Variants in GPHN observed in about 807,000 individuals in gnomAD.
GPHN encodes the protein gephyrin.
Under a neutral mutation model 95.5 loss-of-function variants are expected in GPHN, and 17 were observed. The ratio of observed to expected loss-of-function variants is 0.18; its 90% confidence interval spans 0.12 to 0.27. The LOEUF (loss-of-function observed/expected upper bound fraction) is 0.27, where lower values mean the gene tolerates loss of function less well. Among genes scored for constraint, GPHN ranks in the 10% least tolerant of loss-of-function variants. The pLI, the probability that GPHN is intolerant of heterozygous loss-of-function variation, is 1.00. For missense variants in GPHN, 660 were observed against 978.1 expected, an observed-to-expected ratio of 0.67 and a Z score of 4.34; for synonymous variants, 320 against 322.5, an observed-to-expected ratio of 0.99 and a Z score of 0.08.
chr14:66,580,558 G>A (rs949917200), intron 1 of GPHN, among the ~76,000 whole-genome samples: 1 of 151,692 alleles, frequency 6.6e-6, no homozygotes, highest in Non-Finnish European at 1.5e-5. Context: ...ACAACTATGA[G>A]CAATCATATG....
intron 4 of GPHN, among the ~76,000 whole-genome samples, chr14:66,835,931 G>T (rs1453533895): frequency 2.7e-4 from 39 of 146,412 alleles, no homozygotes; most frequent in Admixed American, 1.9e-3. Context: ...CACTGCTCAA[G>T]GAAATAAAAG....
the GPHN span, chr14:67,650,751 C>T: frequency 3.7e-6 from 6 of 1,614,084 alleles, no homozygotes; most frequent in Non-Finnish European, 4.2e-6. Context: ...GAAGTCAATC[C>T]TCAGTTGGCC....
At chr14:66,887,099 C>G (rs1167972073) in intron 5 of GPHN, among the ~76,000 whole-genome samples, 1 of 152,130 alleles carries the variant, frequency 6.6e-6, no homozygotes, top group Admixed American at 6.5e-5. Flanking sequence ...CACCAGGGTA[C>G]TCTGTTCTTC....
intron 1 of GPHN, among the ~76,000 whole-genome samples, chr14:66,640,362 C>T (rs1337500901): frequency 1.3e-5 from 2 of 152,092 alleles, no homozygotes; most frequent in Non-Finnish European, 2.9e-5. Context: ...GCAAAGGTTG[C>T]AGTGAGCCAA....
intron 9 of GPHN, among the ~76,000 whole-genome samples, chr14:66,981,909 G>A (rs1362474472): frequency 6.6e-6 from 1 of 152,074 alleles, no homozygotes; most frequent in Non-Finnish European, 1.5e-5. Flanking sequence ...GAAAGCCACT[G>A]AACTTCTCCA....
chr14:66,952,453 G>A (rs547438754), intron 8 of GPHN, among the ~76,000 whole-genome samples: 1 of 152,280 alleles, frequency 6.6e-6, no homozygotes, highest in South Asian at 2.1e-4. Context: ...TTTGGGTTGT[G>A]TGTACTTTTT....
the GPHN span, chr14:67,387,593 G>C: frequency 1.1e-5 from 10 of 916,634 alleles, no homozygotes; most frequent in Middle Eastern, 2.5e-4. Flanking sequence ...TTTACAGTTA[G>C]AGAATCCTAT....
At chr14:66,599,843 A>G (rs1236860442) in intron 1 of GPHN, among the ~76,000 whole-genome samples, 1 of 151,986 alleles carries the variant, frequency 6.6e-6, no homozygotes, top group African/African-American at 2.4e-5. Context: ...ATATATCTGT[A>G]TATCTATATC....
At chr14:66,758,508 T>C (rs1414655487) in intron 2 of GPHN, among the ~76,000 whole-genome samples, 1 of 152,106 alleles carries the variant, frequency 6.6e-6, no homozygotes, top group East Asian at 1.9e-4. Context: ...AAGCTACAGT[T>C]GCGTGACCAT....
rs765267813 is a variant in GPHN, at chr14:66,599,392, A to ATTT, written c.65-81701_65-81699dup. The stretch of plus-strand genomic sequence containing the variant: ...TCTCTGATTTTACATTTTTTTTTGC[A>ATTT]TTTTTTTTTTTTTTTTGCTAGATGC... On this transcript the variant is annotated intron_variant, in intron 1 of 22. Coordinates refer to ENST00000478722, the MANE Select transcript of GPHN (RefSeq NM_020806.5). Among the ~76,000 whole-genome samples, 34 of 76,508 alleles carry ATTT rather than the reference A, an allele frequency of 4.4e-4. 1 individual carries two copies. The highest frequency in any genetic ancestry group is 1.4e-3 in the African/African-American group (20 of 13,932). The allele number at this position is 76,508 out of a possible 152,430, so 50.2% of individuals were successfully genotyped here. A position where few individuals can be genotyped will look rare whatever the true frequency, so the allele number is the denominator to read the frequency against.
chr14:66,554,985 T>G (rs1041781945), intron 1 of GPHN, among the ~76,000 whole-genome samples: 1 of 152,170 alleles, frequency 6.6e-6, no homozygotes, highest in African/African-American at 2.4e-5. Flanking sequence ...ACAGTTGCCA[T>G]GAAGGAACCT....
At chr14:67,514,716 C>T in the GPHN span, among the ~76,000 whole-genome samples, 27 of 152,056 alleles carry the variant, frequency 1.8e-4, no homozygotes, top group African/African-American at 6.3e-4. Context: ...GCTCTCCGCC[C>T]GGAAGAAGAG....
At chr14:66,773,305 T>C (rs2059250580) in intron 2 of GPHN, among the ~76,000 whole-genome samples, 1 of 151,624 alleles carries the variant, frequency 6.6e-6, no homozygotes, top group South Asian at 2.1e-4. Flanking sequence ...CTGCCAATAA[T>C]AGACTTGCTT....
intron 1 of GPHN, among the ~76,000 whole-genome samples, chr14:66,508,801 G>A (rs1332518112): frequency 6.6e-6 from 1 of 152,140 alleles, no homozygotes; most frequent in African/African-American, 2.4e-5. Flanking sequence ...AGCCGGGGTC[G>A]ACCCCGTGGG....
At chr14:66,868,934 A>G (rs1427347472) in intron 4 of GPHN, among the ~76,000 whole-genome samples, 2 of 152,174 alleles carry the variant, frequency 1.3e-5, no homozygotes, top group African/African-American at 4.8e-5. Context: ...TTTTTCACAG[A>G]AGTTTGCAAC....
rs543903875 is a variant in GPHN at position 66,760,721 on chromosome 14, A to G, written c.144-15743A>G. 3.5e-4 allele frequency: 162 copies of G among 463,038 alleles called. 5 individuals carry two copies. The highest frequency in any genetic ancestry group is 2.7e-3 in the South Asian group (158 of 57,864). 28.7% of individuals were successfully genotyped at this position (463,038 alleles called of 1,614,324 possible). A position where few individuals can be genotyped will look rare whatever the true frequency, so the allele number is the denominator to read the frequency against. ...CCATAAAGCAGCTGGCAAAGCACTT[A>G]TAGTGGATAATTCATTTGAATTTGA... On this transcript the variant is annotated intron_variant, in intron 2 of 22. Coordinates refer to ENST00000478722, the MANE Select transcript of GPHN (RefSeq NM_020806.5).
chr14:67,389,036 A>T, the GPHN span, among the ~76,000 whole-genome samples: 14 of 151,698 alleles, frequency 9.2e-5, no homozygotes, highest in Admixed American at 3.9e-4. Context: ...CGTTACACAA[A>T]TCTAGTATGT....
the GPHN span, among the ~76,000 whole-genome samples, chr14:67,344,334 T>C: frequency 1.3e-5 from 2 of 152,168 alleles, no homozygotes; most frequent in African/African-American, 2.4e-5. Flanking sequence ...ATCCTCACAT[T>C]TGGCTTTCAA....
At chr14:67,587,062 A>T in the GPHN span, 2,003 of 1,579,100 alleles carry the variant, frequency 1.3e-3, 13 homozygotes, top group Non-Finnish European at 4.2e-4. Flanking sequence ...CACATCTCTG[A>T]CCTCCTCTTA....
Sources: gnomAD v4.1 joint callset for allele counts (sites outside exome capture counted in the v4.1 genomes callset) on GRCh38, gnomAD v4.1.1 for gene constraint, MANE v1.5 for transcripts, NCBI Gene and HGNC (gene_info 2026-07-23, HGNC 2026-07-21) for gene names.